LIG4: variants seen among roughly 807,000 people sequenced by gnomAD.
LIG4 encodes DNA ligase 4.
LIG4 carries 13 observed loss-of-function variants against 19.0 expected under a neutral mutation model. The ratio of observed to expected loss-of-function variants is 0.68; its 90% CI spans 0.44 to 1.09. The LOEUF (loss-of-function observed/expected upper bound fraction) is 1.09, where lower values mean the gene tolerates loss of function less well. Among genes scored for constraint, LIG4 ranks in the 50% least tolerant of loss-of-function variants. The probability of loss-of-function intolerance (pLI) is 0.00; values close to 1 mark genes in which losing one functional copy is unlikely to be tolerated. For missense variants in LIG4, 1,026 were observed against 1,089.7 expected, an observed-to-expected ratio of 0.94 and a Z score of 0.82; for synonymous variants, 361 against 358.2, an observed-to-expected ratio of 1.01 and a Z score of -0.09.
chr13:108,208,618 C>T lies in LIG4; in HGVS notation c.2651G>A (p.Arg884Lys). The change falls in exon 3 of 3, where the codon AGA becomes AAA. Residue 884 changes from arginine (R) to lysine (K), a missense_variant. Transcript: ENST00000442234. ...DFKAFRRTFK[R>K]KFKILKESWV... ...ACTTTCTTTTAGGATTTTAAACTTT[C>T]TCTTAAAAGTTCTTCTAAAAGCTTT... 8.1e-6 allele frequency: 13 copies of T among 1,612,922 alleles called. No homozygotes were observed. Among genetic ancestry groups the T allele is most frequent in the Non-Finnish European group, 1.1e-5 (13 of 1,179,170 alleles).
chr13:108,211,235 A>T lies in LIG4; in HGVS notation c.34T>A (p.Ser12Thr), dbSNP rs554949695. 1.9e-5 allele frequency: 31 copies of T among 1,612,986 alleles called. No homozygotes were observed. The East Asian group carries it at 6.7e-4, about 35-fold the overall frequency. The change falls in exon 3 of 3, where the codon TCT (serine) becomes ACT (threonine). Residue 12 changes from serine (S) to threonine (T), a missense_variant. Ser to Thr is a moderately conservative substitution (Grantham distance 58, BLOSUM62 1). This residue lies in a region of LIG4 where 493 missense variants were observed against 544.5 expected (regional missense o/e 0.91). Coordinates refer to ENST00000442234, the MANE Select transcript of LIG4 (RefSeq NM_206937.2). ...CACAAATCTGCAAAAGGAACGTGAG[A>T]TGCAACAGTTTGTGAAGTTTGTGAG... is the stretch of plus-strand genomic sequence containing the variant. ...AASQTSQTVA[S>T]HVPFADLCST...
intron 1 of LIG4, among the ~76,000 whole-genome samples, chr13:108,215,262 C>A (rs766856622): frequency 0.016 from 927 of 56,242 alleles, 17 homozygotes; most frequent in Middle Eastern, 0.026. Context: ...AGACCCCCAA[C>A]GTGACGCCCT....
chr13:108,216,591 G>A (rs1879306194), upstream of LIG4, among the ~76,000 whole-genome samples: 1 of 152,182 alleles, frequency 6.6e-6, no homozygotes, highest in Non-Finnish European at 1.5e-5. Context: ...AAAATCATCT[G>A]TGATGTTGTA....
At chr13:108,216,035 G>A (rs1452420076), upstream of LIG4, among the ~76,000 whole-genome samples, 1 of 151,740 alleles carries the variant, frequency 6.6e-6, no homozygotes. Flanking sequence ...TCTTAATACA[G>A]AAATAATACA....
rs957569908 is a variant in LIG4 at position 108,209,234 on chromosome 13, C to T, written c.2035G>A (p.Glu679Lys). ...GTDSQPKPDL[E>K]NRIAEFGGYI... Reference sequence around the variant, plus strand: ...CCACCAAATTCTGCAATTCTGTTCTCCAGGTCAGGCTTTGGCTGGCTATCT... The same window carrying T: ...CCACCAAATTCTGCAATTCTGTTCTTCAGGTCAGGCTTTGGCTGGCTATCT... The change falls in exon 3 of 3, where the codon GAG becomes AAG. Residue 679 changes from glutamate to lysine, a missense_variant. Around this residue, in one of 3 missense-constraint regions of LIG4, gnomAD observed 521 missense variants for 515.5 expected, o/e 1.01. Coordinates refer to ENST00000442234, the MANE Select transcript of LIG4 (RefSeq NM_206937.2). The T allele has an allele frequency of 6.2e-7, 1 of 1,614,146 alleles. No homozygotes were observed. The highest frequency in any genetic ancestry group is 8.5e-7 in the Non-Finnish European group (1 of 1,180,008).
Position 108,208,802 on chromosome 13 carries a change from A to G in LIG4, c.2467T>C (p.Tyr823His), listed in dbSNP as rs376657998. 30 of 1,614,058 alleles carry G rather than the reference A, an allele frequency of 1.9e-5. No individual in the cohort carries two copies. Among genetic ancestry groups the G allele is most frequent in the Middle Eastern group, 3.3e-4 (2 of 6,084 alleles). The part of the protein sequence containing the change: ...FRRHTVYLDS[Y>H]AVINDLSTKN... ...GTACTCAGGTCATTAATAACAGCAT[A>G]CGAGTCCAAATAAACGGTGTGGCGT... The change falls in exon 3 of 3, where the codon TAT becomes CAT. Residue 823 changes from tyrosine (Y) to histidine (H), a missense_variant. By Grantham distance (83) the Tyr-to-His change is moderately conservative. This residue lies in a region of LIG4 where 521 missense variants were observed against 515.5 expected (regional missense o/e 1.01). Transcript: ENST00000442234.
Position 108,210,595 on chromosome 13 carries a change from C to A in LIG4, c.674G>T (p.Cys225Phe), listed in dbSNP as rs763522907. The A allele has an allele frequency of 6.2e-7, 1 of 1,613,384 alleles. No individual in the cohort carries two copies. Among genetic ancestry groups the A allele is most frequent in the Non-Finnish European group, 8.5e-7 (1 of 1,179,956 alleles). ...TACAGAAGGATCATGCAGTTGCCTA[C>A]AGACTTTTTCCAGATCTGTAGTGAC... ...HNVTTDLEKV[C>F]RQLHDPSVGL... The change falls in exon 3 of 3, where the codon TGT becomes TTT. Residue 225 changes from cysteine to phenylalanine, a missense_variant. Around this residue, in one of 3 missense-constraint regions of LIG4, gnomAD observed 493 missense variants for 544.5 expected, o/e 0.91. Coordinates refer to ENST00000442234, the MANE Select transcript of LIG4 (RefSeq NM_206937.2).
In LIG4 at chr13:108,210,078, T is replaced by C. The variant is rs768436392; in HGVS notation, c.1191A>G (p.Pro397=). 2 of 1,613,048 alleles carry C rather than the reference T, an allele frequency of 1.2e-6. No homozygotes were observed. Among genetic ancestry groups the C allele is most frequent in the Admixed American group, 1.7e-5 (1 of 60,006 alleles). Residue 397 remains proline, a synonymous_variant, in exon 3 of 3, where the codon CCA becomes CCG. Transcript: ENST00000442234. ...EILSSIFTPI[P]GRIEIVQKTQ... ...TTTTCTGCACTATTTCTATTCTACC[T>C]GGAATTGGTGTAAAAATACTACTAA...
Position 108,209,740 on chromosome 13 carries a change from C to T in LIG4, c.1529G>A (p.Cys510Tyr). Reference sequence around the variant, plus strand: ...CAGATCATACAGTTCTTTCATGGTGCAGCCAGACCCAACACGAGAGAGAGT... The same window carrying T: ...CAGATCATACAGTTCTTTCATGGTGTAGCCAGACCCAACACGAGAGAGAGT... Reference protein sequence around the residue: ...FHTLSRVGSGCTMKELYDLGL... With the variant: ...FHTLSRVGSGYTMKELYDLGL... Residue 510 changes from cysteine to tyrosine, a missense_variant, in exon 3 of 3, where the codon TGC becomes TAC. Around this residue, in one of 3 missense-constraint regions of LIG4, gnomAD observed 521 missense variants for 515.5 expected, o/e 1.01. Coordinates refer to ENST00000442234, the MANE Select transcript of LIG4 (RefSeq NM_206937.2). The T allele has an allele frequency of 6.2e-7, 1 of 1,614,000 alleles. No individual in the cohort carries two copies. The highest frequency in any genetic ancestry group is 8.5e-7 in the Non-Finnish European group (1 of 1,179,910).
Position 108,209,253 on chromosome 13 carries a change from G to C in LIG4, c.2016C>G (p.Ser672Arg), listed in dbSNP as rs142144659. Residue 672 changes from serine (S) to arginine (R), a missense_variant, in exon 3 of 3, where the codon AGC becomes AGG. By Grantham distance (110) the Ser-to-Arg change is moderately radical. Coordinates refer to ENST00000442234, the MANE Select transcript of LIG4 (RefSeq NM_206937.2). ...VEFCVMSGTD[S>R]QPKPDLENRI... Reference sequence around the variant, plus strand: ...TGTTCTCCAGGTCAGGCTTTGGCTGGCTATCTGTTCCACTCATAACACAAA... The same window carrying C: ...TGTTCTCCAGGTCAGGCTTTGGCTGCCTATCTGTTCCACTCATAACACAAA... 1.6e-4 allele frequency: 264 copies of C among 1,614,064 alleles called. 1 individual carries two copies. Among genetic ancestry groups the C allele is most frequent in the Admixed American group, 8.8e-4 (53 of 60,024 alleles).
At position 108,210,610 on chromosome 13, in the gene LIG4, T is replaced by C. The variant is rs1878545615; in HGVS notation, c.659A>G (p.Asp220Gly). ...DAAELHNVTT[D>G]LEKVCRQLHD... ...CAGTTGCCTACAGACTTTTTCCAGA[T>C]CTGTAGTGACATTATGCAACTCAGC... is the stretch of plus-strand genomic sequence containing the variant. The change falls in exon 3 of 3, where the codon GAT (aspartate) becomes GGT (glycine). Residue 220 changes from aspartate (D) to glycine (G), a missense_variant. Physicochemically the swap from Asp to Gly is moderately conservative, Grantham distance 94 (BLOSUM62 -1). Around this residue, in one of 3 missense-constraint regions of LIG4, gnomAD observed 493 missense variants for 544.5 expected, o/e 0.91. Transcript: ENST00000442234. 6.2e-7 allele frequency: 1 copy of C among 1,613,538 alleles called. No individual in the cohort carries two copies. The highest frequency in any genetic ancestry group is 1.1e-5 in the South Asian group (1 of 91,078).
intron 2 of LIG4, among the ~76,000 whole-genome samples, chr13:108,213,822 G>T (rs1016122533): frequency 2.0e-5 from 3 of 152,168 alleles, no homozygotes; most frequent in African/African-American, 7.2e-5. Flanking sequence ...AAACTATGTA[G>T]AAATTAGAAT....
rs771015337 is a variant in LIG4, at chr13:108,210,367, T to C, written c.902A>G (p.Gln301Arg). 1 of 1,613,968 alleles carries C rather than the reference T, an allele frequency of 6.2e-7. No individual in the cohort carries two copies. Among genetic ancestry groups the C allele is most frequent in the South Asian group, 1.1e-5 (1 of 91,080 alleles). Residue 301 changes from glutamine (Q) to arginine (R), a missense_variant, in exon 3 of 3, where the codon CAG becomes CGG. By Grantham distance (43) the Gln-to-Arg change is conservative (BLOSUM62 1). Transcript: ENST00000442234. ...FSRNGYNYTDQFGASPTEGSL... is the reference protein window; with the variant it reads ...FSRNGYNYTDRFGASPTEGSL... ...ACCTTCAGTAGGAGAAGCACCAAAC[T>C]GATCAGTGTAGTTATATCCATTTCG... is the stretch of plus-strand genomic sequence containing the variant.
Position 108,209,600 on chromosome 13 carries a change from C to T in LIG4, c.1669G>A (p.Val557Ile). 6.2e-7 allele frequency: 1 copy of T among 1,614,106 alleles called. No individual in the cohort carries two copies. Among genetic ancestry groups the T allele is most frequent in the South Asian group, 1.1e-5 (1 of 91,082 alleles). The change falls in exon 3 of 3, where the codon GTT (valine) becomes ATT (isoleucine). Residue 557 changes from valine to isoleucine, a missense_variant. Physicochemically the swap from Val to Ile is conservative, Grantham distance 29. This residue lies in a region of LIG4 where 521 missense variants were observed against 515.5 expected (regional missense o/e 1.01). Coordinates refer to ENST00000442234, the MANE Select transcript of LIG4 (RefSeq NM_206937.2). ...ACGATCTCTGCTGCTTTAATCTGAA[C>T]AATGACAGAATTACAAGGTTCAATG... ...VYIEPCNSVI[V>I]QIKAAEIVPS...
At chr13:108,213,976 A>C (rs575852618) in intron 2 of LIG4, among the ~76,000 whole-genome samples, 1 of 152,348 alleles carries the variant, frequency 6.6e-6, no homozygotes, top group African/African-American at 2.4e-5. Context: ...GGTGGGAAGA[A>C]GCTTCACTCT....
In LIG4 at chr13:108,210,460, A is replaced by G. The variant is rs1384663050; in HGVS notation, c.809T>C (p.Ile270Thr). ...EKDMKHQSFY[I>T]ETKLDGERMQ... ...ACGTTCACCATCTAGCTTGGTTTCT[A>G]TGTAGAAACTCTGATGTTTCATATC... Residue 270 changes from isoleucine to threonine, a missense_variant, in exon 3 of 3, where the codon ATA becomes ACA. Transcript: ENST00000442234. The G allele has an allele frequency of 3.1e-6, 5 of 1,613,410 alleles. No homozygotes were observed. Among genetic ancestry groups the G allele is most frequent in the East Asian group, 2.2e-5 (1 of 44,864 alleles).
rs139244407 is a variant in LIG4 at position 108,210,066 on chromosome 13, T to C, written c.1203A>G (p.Glu401=). ...TATGAGCTTGTGTTTTCTGCACTAT[T>C]TCTATTCTACCTGGAATTGGTGTAA... ...SIFTPIPGRI[E]IVQKTQAHTK... The change falls in exon 3 of 3, where the codon GAA becomes GAG. Residue 401 remains glutamate, a synonymous_variant. Transcript: ENST00000442234. 3 of 1,612,984 alleles carry C rather than the reference T, an allele frequency of 1.9e-6. No homozygotes were observed. The highest frequency in any genetic ancestry group is 1.7e-6 in the Non-Finnish European group (2 of 1,179,930).
chr13:108,209,857 C>T lies in LIG4; in HGVS notation c.1412G>A (p.Trp471Ter). Residue 471 changes from tryptophan (W) to a stop codon, truncating the protein, a stop_gained, in exon 3 of 3, where the codon TGG (tryptophan) becomes TAG (stop). Coordinates refer to ENST00000442234, the MANE Select transcript of LIG4 (RefSeq NM_206937.2). LOFTEE classifies it low-confidence loss of function (END_TRUNC). ...CATTCCACCCCGTGATCCTTTACCCCAATATCCTCCAACAATTAAAATGTC... is the reference window on the plus strand; with the variant it reads ...CATTCCACCCCGTGATCCTTTACCCTAATATCCTCCAACAATTAAAATGTC... ...ELDILIVGGY[W>*]GKGSRGGMMS... The T allele has an allele frequency of 6.2e-7, 1 of 1,614,156 alleles. No individual in the cohort carries two copies. Among genetic ancestry groups the T allele is most frequent in the Non-Finnish European group, 8.5e-7 (1 of 1,180,012 alleles).
rs1269649078 is a variant in LIG4 at position 108,210,325 on chromosome 13, A to G, written c.944T>C (p.Ile315Thr). ...SPTEGSLTPF[I>T]HNAFKADIQI... Reference sequence around the variant, plus strand: ...TATATCTGCTTTGAATGCATTATGAATGAATGGGGTAAGAGAACCTTCAGT... The same window carrying G: ...TATATCTGCTTTGAATGCATTATGAGTGAATGGGGTAAGAGAACCTTCAGT... The change falls in exon 3 of 3, where the codon ATT becomes ACT. Residue 315 changes from isoleucine (I) to threonine (T), a missense_variant. Transcript: ENST00000442234. 2 of 1,613,848 alleles carry G rather than the reference A, an allele frequency of 1.2e-6. No homozygotes were observed. The highest frequency in any genetic ancestry group is 1.7e-6 in the Non-Finnish European group (2 of 1,179,896).
Sources: allele counts gnomAD v4.1 joint callset (sites outside exome capture counted in the v4.1 genomes callset), GRCh38; gene constraint gnomAD v4.1.1; regional missense constraint gnomAD v4.1.1; transcripts MANE v1.5; gene names NCBI Gene and HGNC (gene_info 2026-07-23, HGNC 2026-07-21).